The following FRYL variants were observed in gnomAD, a reference collection of about 807,000 sequenced individuals.
FRYL encodes the protein protein furry homolog-like.
In FRYL, 150 loss-of-function variants were observed where a neutral mutation model predicts 351.2. The ratio of observed to expected loss-of-function variants is 0.43; its 90% CI spans 0.37 to 0.49. The LOEUF (loss-of-function observed/expected upper bound fraction) is 0.49. FRYL is among the 20% of genes least tolerant of loss of function. The pLI is 0.00. For synonymous variants in FRYL, 1,153 were observed against 1,257.1 expected, an observed-to-expected ratio of 0.92 and a Z score of 1.75; for missense variants, 3,036 against 3,619.3, an observed-to-expected ratio of 0.84 and a Z score of 4.13.
intron 7 of FRYL, among the ~76,000 whole-genome samples, chr4:48,610,233 G>C: frequency 6.6e-6 from 1 of 151,976 alleles, no homozygotes; most frequent in East Asian, 1.9e-4. Context: ...GGTCACAAGG[G>C]ACACTATCTT....
chr4:48,666,100 G>A (rs751140410), intron 3 of FRYL, among the ~76,000 whole-genome samples: 6 of 152,304 alleles, frequency 3.9e-5, no homozygotes, highest in Non-Finnish European at 5.9e-5. Flanking sequence ...AGTGGCTTAC[G>A]CCTGTAATTC....
chr4:48,520,856 C>T (rs1724758842), intron 55 of FRYL, among the ~76,000 whole-genome samples, 192 bp downstream of exon 55: 1 of 152,108 alleles, frequency 6.6e-6, no homozygotes, highest in African/African-American at 2.4e-5. Context: ...TATTTTTAAC[C>T]TGTAGGTCAT....
chr4:48,684,317 G>T (rs1459147958), intron 3 of FRYL, among the ~76,000 whole-genome samples: 1 of 152,178 alleles, frequency 6.6e-6, no homozygotes, highest in Non-Finnish European at 1.5e-5. Context: ...TGTTAAGCCT[G>T]CACTGCAGTT....
intron 30 of FRYL, among the ~76,000 whole-genome samples, chr4:48,564,391 GA>G (rs1736259515): frequency 6.6e-6 from 1 of 152,146 alleles, no homozygotes; most frequent in Non-Finnish European, 1.5e-5. Context: ...GGTGCTTTCA[GA>G]AAAATGAGTC....
intron 1 of FRYL, among the ~76,000 whole-genome samples, chr4:48,767,862 T>C (rs1236180922): frequency 2.0e-5 from 3 of 152,138 alleles, no homozygotes; most frequent in Middle Eastern, 3.2e-3. Flanking sequence ...CTCCAGTCTG[T>C]AGAGTATCCA....
chr4:48,560,497 C>T (rs900811013), intron 33 of FRYL, among the ~76,000 whole-genome samples: 3 of 152,068 alleles, frequency 2.0e-5, no homozygotes, highest in African/African-American at 7.2e-5. Flanking sequence ...ACATCCTAGG[C>T]GATGACATGA....
intron 47 of FRYL, among the ~76,000 whole-genome samples, chr4:48,537,558 G>T (rs1328192658): frequency 6.6e-6 from 1 of 152,176 alleles, no homozygotes; most frequent in Non-Finnish European, 1.5e-5. Flanking sequence ...AGTTATAAGT[G>T]GGAGAATAAT....
rs1455634330 is a variant in FRYL, at chr4:48,686,951, C to A, written c.-203-2156G>T. Reference sequence around the variant, plus strand: ...ATAAAATAAATGCATCTTTTGGTAACCCTGGAAAATACATAGTTTATACTT... The same window carrying A: ...ATAAAATAAATGCATCTTTTGGTAAACCTGGAAAATACATAGTTTATACTT... On this transcript the variant is annotated intron_variant, in intron 2 of 63. Coordinates refer to ENST00000358350, the MANE Select transcript of FRYL (RefSeq NM_015030.2). Among the ~76,000 whole-genome samples the A allele has an allele frequency of 3.9e-5, 6 of 152,096 alleles. No individual in the cohort carries two copies. The East Asian group carries it at 1.2e-3, about 29-fold the overall frequency.
intron 2 of FRYL, among the ~76,000 whole-genome samples, chr4:48,708,983 G>A (rs1343286308): frequency 2.6e-4 from 39 of 149,490 alleles, no homozygotes; most frequent in Non-Finnish European, 4.3e-4. Context: ...ATGCGGTGGC[G>A]CGATCTCGGC....
chr4:48,561,460 G>T lies in FRYL; in HGVS notation c.3865+8C>A. The T allele has an allele frequency of 6.4e-7, 1 of 1,559,660 alleles. No homozygotes were observed. The highest frequency in any genetic ancestry group is 1.2e-5 in the South Asian group (1 of 80,006). On this transcript the variant is annotated splice_region_variant and intron_variant, in intron 33 of 63. Transcript: ENST00000358350. ...AATAGAAACTACTAACCAGTTCATT[G>T]ATCATACCTGAGAATATGGCGAGAG...
intron 3 of FRYL, among the ~76,000 whole-genome samples, chr4:48,675,424 C>G (rs1413165856): frequency 1.3e-5 from 2 of 152,218 alleles, no homozygotes; most frequent in African/African-American, 2.4e-5. Context: ...TTGCCAGGCC[C>G]GGCACTCGGA....
intron 1 of FRYL, among the ~76,000 whole-genome samples, chr4:48,774,359 C>A (rs1222101116): frequency 6.6e-6 from 1 of 152,166 alleles, no homozygotes; most frequent in Non-Finnish European, 1.5e-5. Context: ...ACAGGAACTA[C>A]TACCCCTCTG....
At chr4:48,760,178 TTGAGA>T (rs1009646321) in intron 1 of FRYL, among the ~76,000 whole-genome samples, 16 of 151,976 alleles carry the variant, frequency 1.1e-4, no homozygotes, top group Admixed American at 9.8e-4. Context: ...TTTTTTTTTT[TTGAGA>T]TGGAGTCTCG....
chr4:48,519,925 A>G (rs1012631311), intron 55 of FRYL, among the ~76,000 whole-genome samples: 1 of 152,014 alleles, frequency 6.6e-6, no homozygotes, highest in Non-Finnish European at 1.5e-5. Context: ...GTAGAGACGG[A>G]GTTTCACCAT....
intron 1 of FRYL, among the ~76,000 whole-genome samples, chr4:48,768,147 CT>C (rs1775153188): frequency 6.6e-6 from 1 of 152,186 alleles, no homozygotes; most frequent in African/African-American, 2.4e-5. Context: ...TGAGGGATGC[CT>C]TGTGATGTCC....
rs1729970876 is a variant in FRYL, at chr4:48,540,723, C to T, written c.5925G>A (p.Arg1975=). The change falls in exon 46 of 64, where the codon AGG becomes AGA. Residue 1975 remains arginine, a synonymous_variant. Transcript: ENST00000358350. Reference sequence around the variant, plus strand: ...CTCTTAGAGAGGAAAGGCTTCTAGTCCTTGCTAAACTACTGCTATGGTTTA... The same window carrying T: ...CTCTTAGAGAGGAAAGGCTTCTAGTTCTTGCTAAACTACTGCTATGGTTTA... ...GRINHSSSLA[R]TRSLSSLREK... 1.2e-6 allele frequency: 2 copies of T among 1,614,020 alleles called. No homozygotes were observed. Among genetic ancestry groups the T allele is most frequent in the East Asian group, 4.5e-5 (2 of 44,882 alleles).
chr4:48,693,282 G>A (rs1034031992), intron 2 of FRYL, among the ~76,000 whole-genome samples: 1 of 151,944 alleles, frequency 6.6e-6, no homozygotes, highest in East Asian at 1.9e-4. Context: ...TCTTCAAAAA[G>A]GTTTTTAAGA....
chr4:48,504,274 A>G (rs1380930323), intron 60 of FRYL, among the ~76,000 whole-genome samples: 4 of 152,260 alleles, frequency 2.6e-5, no homozygotes, highest in African/African-American at 9.6e-5. Flanking sequence ...TCCACCCTCA[A>G]AACAGTTGAA....
chr4:48,762,119 C>A lies in FRYL; in HGVS notation c.-384+17959G>T, dbSNP rs1774478582. 1.3e-5 allele frequency among the ~76,000 whole-genome samples: 2 copies of A among 152,152 alleles called. 1 individual carries two copies. The highest frequency in any genetic ancestry group is 2.9e-5 in the Non-Finnish European group (2 of 68,024). On this transcript the variant is annotated intron_variant, in intron 1 of 63. Coordinates refer to ENST00000358350, the MANE Select transcript of FRYL (RefSeq NM_015030.2). ...AGGAGGGTCCTCACCAGCATCCAACCATGCTGGCATGCAGATCTCAGAATT... is the reference window on the plus strand; with the variant it reads ...AGGAGGGTCCTCACCAGCATCCAACAATGCTGGCATGCAGATCTCAGAATT...
Sources: allele counts gnomAD v4.1 joint callset (sites outside exome capture counted in the v4.1 genomes callset), GRCh38; gene constraint gnomAD v4.1.1; transcripts MANE v1.5; gene names NCBI Gene and HGNC (gene_info 2026-07-23, HGNC 2026-07-21).